The following EXOC4 variants were observed in gnomAD, a reference collection of about 807,000 sequenced individuals.
The protein encoded by EXOC4 is SEC8-like 1.
EXOC4 carries 71 observed loss-of-function variants against 107.2 expected under a neutral mutation model. The observed-to-expected ratio is 0.66, with a 90% CI of 0.55 to 0.81. The LOEUF is 0.81. Among genes scored for constraint, EXOC4 ranks in the 30% least tolerant of loss-of-function variants. EXOC4 has a pLI of 0.00. For synonymous variants in EXOC4, 456 were observed against 441.2 expected (o/e 1.03, Z -0.42); for missense variants, 1,108 against 1,189.6 (o/e 0.93, Z 1.01).
intron 10 of EXOC4, among the ~76,000 whole-genome samples, chr7:133,805,310 A>G (rs796210465): frequency 3.3e-5 from 5 of 152,324 alleles, no homozygotes; most frequent in African/African-American, 1.2e-4. Flanking sequence ...TAGAAAATGC[A>G]AGGGAACAGT....
chr7:133,434,853 G>T (rs1276408258), intron 7 of EXOC4, among the ~76,000 whole-genome samples: 1 of 151,858 alleles, frequency 6.6e-6, no homozygotes, highest in African/African-American at 2.4e-5. Flanking sequence ...GTCTTCAATG[G>T]CTATCTTTGT....
At chr7:133,616,052 C>T (rs1419172879) in intron 9 of EXOC4, among the ~76,000 whole-genome samples, 2 of 152,070 alleles carry the variant, frequency 1.3e-5, no homozygotes, top group African/African-American at 4.8e-5. Flanking sequence ...GTTACCATTG[C>T]CAGTCTGTTT....
chr7:133,393,371 G>T (rs2150719873), intron 7 of EXOC4, among the ~76,000 whole-genome samples: 1 of 152,216 alleles, frequency 6.6e-6, no homozygotes, highest in Non-Finnish European at 1.5e-5. Context: ...TATTTATGGT[G>T]CCTGTCTCTT....
At chr7:134,063,551 G>T (rs117211692) in intron 17 of EXOC4, among the ~76,000 whole-genome samples, 1 of 152,076 alleles carries the variant, frequency 6.6e-6, no homozygotes, top group South Asian at 2.1e-4. Context: ...GTAGCCCCTG[G>T]GTGGAGTGAG....
chr7:133,971,393 GAGAGAGAGAA>G (rs1344685346), intron 14 of EXOC4, among the ~76,000 whole-genome samples: 2 of 141,472 alleles, frequency 1.4e-5, no homozygotes, highest in Non-Finnish European at 3.0e-5. Context: ...GAGAGAGAGA[GAGAGAGAGAA>G]AGAGAGAGAG....
intron 10 of EXOC4, among the ~76,000 whole-genome samples, chr7:133,770,049 A>T (rs2151161445): frequency 6.7e-6 from 1 of 149,798 alleles, no homozygotes; most frequent in Non-Finnish European, 1.5e-5. Flanking sequence ...CAAAATCAAC[A>T]TGTGTAGCCA....
chr7:133,977,458 C>T (rs1397409720), intron 14 of EXOC4, among the ~76,000 whole-genome samples: 1 of 152,140 alleles, frequency 6.6e-6, no homozygotes, highest in Non-Finnish European at 1.5e-5. Flanking sequence ...TCACTTGCTT[C>T]CAAATAAATA....
At chr7:133,492,919 G>T (rs4731957) in intron 9 of EXOC4, among the ~76,000 whole-genome samples, 151,892 of 151,892 alleles carry the variant, frequency 1, 75,946 homozygotes, top group Non-Finnish European at 1. Context: ...ATCAGTCACT[G>T]GCCCACTATA....
At chr7:134,090,342 T>G in the EXOC4 span, among the ~76,000 whole-genome samples, 4 of 152,150 alleles carry the variant, frequency 2.6e-5, no homozygotes, top group African/African-American at 9.7e-5. Flanking sequence ...TTCAGGGACC[T>G]GCAGCAAAGT....
intron 10 of EXOC4, among the ~76,000 whole-genome samples, chr7:133,696,697 T>C (rs1400234723): frequency 6.6e-6 from 1 of 152,238 alleles, no homozygotes; most frequent in African/African-American, 2.4e-5. Context: ...TATTGATTTC[T>C]TATAGCTGCT....
At chr7:133,413,161 G>C (rs1486011308) in intron 7 of EXOC4, among the ~76,000 whole-genome samples, 1 of 152,088 alleles carries the variant, frequency 6.6e-6, no homozygotes, top group East Asian at 1.9e-4. Flanking sequence ...ATCTACTGAA[G>C]ACCTATTTCG....
intron 6 of EXOC4, among the ~76,000 whole-genome samples, chr7:133,363,829 T>C (rs1279827041): frequency 2.0e-5 from 3 of 152,192 alleles, no homozygotes; most frequent in Non-Finnish European, 4.4e-5. Flanking sequence ...GCACTTGCTA[T>C]TGTTATAATA....
Position 133,758,373 on chromosome 7 carries a change from A to C in EXOC4, c.1515-58952A>C, listed in dbSNP as rs1795962060. Among the ~76,000 whole-genome samples the C allele has an allele frequency of 2.0e-5, 3 of 152,280 alleles. No homozygotes were observed. In the South Asian group the frequency reaches 6.2e-4, roughly 32 times the overall value. ...AGAGTGGTGTCGAATTCCAGACCGC[A>C]AGTGATTCTCCCACCTCTGCTTCCC... On this transcript the variant is annotated intron_variant, in intron 10 of 17. Coordinates refer to ENST00000253861, the MANE Select transcript of EXOC4 (RefSeq NM_021807.4).
chr7:133,328,983 A>G (rs978635113), intron 5 of EXOC4, among the ~76,000 whole-genome samples: 2 of 152,064 alleles, frequency 1.3e-5, no homozygotes, highest in African/African-American at 4.8e-5. Context: ...AGGTTGGGGA[A>G]GTTCTCCTGG....
At chr7:133,655,835 A>G (rs1803278876) in intron 10 of EXOC4, among the ~76,000 whole-genome samples, 1 of 152,244 alleles carries the variant, frequency 6.6e-6, no homozygotes. Flanking sequence ...TCAAATAATG[A>G]TAAAAGCCGA....
At chr7:133,594,651 G>A (rs894443843) in intron 9 of EXOC4, among the ~76,000 whole-genome samples, 5 of 151,762 alleles carry the variant, frequency 3.3e-5, no homozygotes, top group Admixed American at 1.3e-4. Context: ...ATGCCACCAC[G>A]CCCAGCTAAT....
intron 9 of EXOC4, among the ~76,000 whole-genome samples, chr7:133,563,346 C>T (rs1321808889): frequency 6.6e-6 from 1 of 152,192 alleles, no homozygotes; most frequent in African/African-American, 2.4e-5. Context: ...AGCTTCTGCT[C>T]ATGAACATCT....
intron 9 of EXOC4, among the ~76,000 whole-genome samples, chr7:133,570,137 A>T (rs1800991443): frequency 6.6e-6 from 1 of 152,216 alleles, no homozygotes; most frequent in African/African-American, 2.4e-5. Flanking sequence ...GTGTCAATAT[A>T]TAATGTATAA....
At chr7:133,562,404 T>A (rs1392293595) in intron 9 of EXOC4, among the ~76,000 whole-genome samples, 1 of 152,170 alleles carries the variant, frequency 6.6e-6, no homozygotes, top group African/African-American at 2.4e-5. Flanking sequence ...GTTCCCCGGC[T>A]TGCCTGACCT....
Sources: gnomAD v4.1 joint callset for allele counts (sites outside exome capture counted in the v4.1 genomes callset) on GRCh38, gnomAD v4.1.1 for gene constraint, MANE v1.5 for transcripts, NCBI Gene and HGNC (gene_info 2026-07-23, HGNC 2026-07-21) for gene names.